GABBR2: variants seen among roughly 807,000 people sequenced by gnomAD.
The protein encoded by GABBR2 is G-protein coupled receptor 51.
In GABBR2, 23 loss-of-function variants were observed where a neutral mutation model predicts 105.6. That is an observed-to-expected ratio of 0.22 (90% CI 0.16 to 0.31). The LOEUF is 0.31. Ranked by LOEUF, GABBR2 falls within the 10% of genes least tolerant of loss-of-function variation. The pLI is 1.00. For missense variants in GABBR2, 734 were observed against 1,245.5 expected (o/e 0.59, Z 6.18); for synonymous variants, 478 against 499.7 (o/e 0.96, Z 0.58).
At chr9:98,592,373 C>T (rs76553568) in intron 1 of GABBR2, among the ~76,000 whole-genome samples, 1,849 of 152,290 alleles carry the variant, frequency 0.012, 21 homozygotes, top group Middle Eastern at 0.027. Context: ...TTAATACTGA[C>T]CTATGTGCTA....
intron 8 of GABBR2, among the ~76,000 whole-genome samples, chr9:98,404,638 C>T (rs891122418): frequency 6.6e-6 from 1 of 152,062 alleles, no homozygotes; most frequent in Non-Finnish European, 1.5e-5. Flanking sequence ...CCGCTAATGG[C>T]TGTACTGGTC....
At chr9:98,299,139 G>T in intron 17 of GABBR2, 85 bp downstream of exon 17, 1 of 1,195,304 alleles carries the variant, frequency 8.4e-7, no homozygotes, top group Non-Finnish European at 1.2e-6. Context: ...CTGAGCCTCA[G>T]TTTCTTCATC....
At chr9:98,451,086 G>A (rs1297659944) in intron 7 of GABBR2, among the ~76,000 whole-genome samples, 1 of 152,124 alleles carries the variant, frequency 6.6e-6, no homozygotes, top group Non-Finnish European at 1.5e-5. Flanking sequence ...CCCTTTCTGA[G>A]TCTCAGTCCA....
chr9:98,385,100 A>T (rs1048578652), intron 11 of GABBR2, among the ~76,000 whole-genome samples: 25 of 151,988 alleles, frequency 1.6e-4, no homozygotes, highest in Non-Finnish European at 2.9e-4. Flanking sequence ...CCTGACTCTG[A>T]CCCTTGGCGC....
At chr9:98,379,607 G>T (rs1284325520) in intron 11 of GABBR2, among the ~76,000 whole-genome samples, 1 of 152,232 alleles carries the variant, frequency 6.6e-6, no homozygotes, top group Admixed American at 6.5e-5. Context: ...TGCTTTATCA[G>T]TGTCTCTCTT....
At chr9:98,378,740 G>A (rs1831921284) in intron 11 of GABBR2, among the ~76,000 whole-genome samples, 1 of 152,180 alleles carries the variant, frequency 6.6e-6, no homozygotes, top group Non-Finnish European at 1.5e-5. Context: ...GCAAGGGGAG[G>A]AGGGTTGGGG....
chr9:98,509,876 T>A (rs1827599789), intron 3 of GABBR2, among the ~76,000 whole-genome samples: 1 of 152,122 alleles, frequency 6.6e-6, no homozygotes, highest in Non-Finnish European at 1.5e-5. Flanking sequence ...ACTTCCCCAA[T>A]CTAGCAAGGC....
intron 7 of GABBR2, among the ~76,000 whole-genome samples, chr9:98,410,623 C>T (rs1004263751): frequency 2.0e-5 from 3 of 150,624 alleles, no homozygotes; most frequent in Non-Finnish European, 2.9e-5. Flanking sequence ...AGTGTGGGGG[C>T]CCCTGGCTGC....
chr9:98,507,567 T>C (rs1025459707), intron 3 of GABBR2, among the ~76,000 whole-genome samples: 5 of 152,174 alleles, frequency 3.3e-5, no homozygotes, highest in Non-Finnish European at 7.3e-5. Context: ...AGATAATAAT[T>C]TGTGTTGTTT....
chr9:98,637,941 G>A (rs895114353), intron 1 of GABBR2, among the ~76,000 whole-genome samples: 4 of 152,174 alleles, frequency 2.6e-5, no homozygotes, highest in African/African-American at 7.2e-5. Context: ...ACTATATACT[G>A]GATAGTGTAC....
chr9:98,588,844 T>C (rs1314340045), intron 1 of GABBR2, among the ~76,000 whole-genome samples: 1 of 151,912 alleles, frequency 6.6e-6, no homozygotes, highest in Non-Finnish European at 1.5e-5. Context: ...ATTCCATGGG[T>C]ATTCTGTGCT....
At chr9:98,703,646 C>T (rs952653989) in intron 1 of GABBR2, among the ~76,000 whole-genome samples, 11 of 151,938 alleles carry the variant, frequency 7.2e-5, no homozygotes, top group Non-Finnish European at 1.3e-4. Flanking sequence ...GCACATACCA[C>T]CATGTCAGGC....
chr9:98,571,076 A>G (rs1828823222), intron 2 of GABBR2, among the ~76,000 whole-genome samples: 1 of 152,256 alleles, frequency 6.6e-6, no homozygotes. Context: ...GTGGGCAGAC[A>G]TAGCAAACAC....
intron 1 of GABBR2, among the ~76,000 whole-genome samples, chr9:98,684,873 G>A (rs983316187): frequency 6.6e-6 from 1 of 152,220 alleles, no homozygotes; most frequent in African/African-American, 2.4e-5. Flanking sequence ...CTCAAGGCCA[G>A]CTGCTGCATC....
At chr9:98,448,403 A>G (rs574202079) in intron 7 of GABBR2, among the ~76,000 whole-genome samples, 120 of 152,284 alleles carry the variant, frequency 7.9e-4, no homozygotes, top group Middle Eastern at 3.4e-3. Context: ...TTCAATTCTC[A>G]TAAGGTAAAA....
intron 6 of GABBR2, among the ~76,000 whole-genome samples, chr9:98,460,421 A>G (rs1271629222): frequency 6.6e-6 from 1 of 152,194 alleles, no homozygotes; most frequent in African/African-American, 2.4e-5. Flanking sequence ...GTTCAAGAAA[A>G]TTGATTAAAA....
At chr9:98,644,798 C>T (rs577064400) in intron 1 of GABBR2, among the ~76,000 whole-genome samples, 1 of 152,250 alleles carries the variant, frequency 6.6e-6, no homozygotes, top group Admixed American at 6.5e-5. Flanking sequence ...TGCCACTGCA[C>T]TCCAACCTGG....
intron 13 of GABBR2, among the ~76,000 whole-genome samples, chr9:98,325,642 C>A (rs1830909563): frequency 6.6e-6 from 1 of 152,156 alleles, no homozygotes; most frequent in Admixed American, 6.5e-5. Context: ...TCTGAGCCAA[C>A]TATAGGTTTC....
chr9:98,665,046 C>A (rs1009746900), intron 1 of GABBR2, among the ~76,000 whole-genome samples: 6 of 152,126 alleles, frequency 3.9e-5, no homozygotes, highest in Non-Finnish European at 8.8e-5. Context: ...GTGGGAGGAC[C>A]ACTTCAGCCT....
Sources: gnomAD v4.1 joint callset for allele counts (sites outside exome capture counted in the v4.1 genomes callset) on GRCh38, gnomAD v4.1.1 for gene constraint, MANE v1.5 for transcripts, NCBI Gene and HGNC (gene_info 2026-07-23, HGNC 2026-07-21) for gene names.